The following CPNE7 variants were observed in gnomAD, a reference collection of about 807,000 sequenced individuals.
The protein encoded by CPNE7 is copine 7.
Under a neutral mutation model 66.5 loss-of-function variants are expected in CPNE7, and 78 were observed. The ratio of observed to expected loss-of-function variants is 1.17; its 90% confidence interval spans 0.98 to 1.42. The LOEUF is 1.42. CPNE7 is among the 40% of genes most tolerant of loss of function. CPNE7 has a pLI of 0.00. For missense variants in CPNE7, 1,012 were observed against 776.6 expected, an observed-to-expected ratio of 1.30 and a Z score of -3.60; for synonymous variants, 468 against 336.7, an observed-to-expected ratio of 1.39 and a Z score of -4.27.
chr16:89,596,401 G>A lies in CPNE7; in HGVS notation c.1540-83G>A, dbSNP rs934705252. ...GTCACCACTCGGCTCTGGAGGATGA[G>A]GCCTGGGCCATAATCCAGTTGCAGG... On this transcript the variant is annotated intron_variant, in intron 14 of 14. Coordinates refer to ENST00000319518, the MANE Select transcript of CPNE7 (RefSeq NM_153636.3). The A allele has an allele frequency of 6.6e-6, 10 of 1,523,700 alleles. No homozygotes were observed. The African/African-American group carries it at 1.2e-4, about 19-fold the overall frequency. 94.4% of individuals were successfully genotyped at this position (1,523,700 alleles called of 1,614,324 possible). A position where few individuals can be genotyped will look rare whatever the true frequency, so the allele number is the denominator to read the frequency against.
At chr16:89,586,842 A>G in intron 8 of CPNE7, 86 bp downstream of exon 8, 1 of 1,320,956 alleles carries the variant, frequency 7.6e-7, no homozygotes, top group Non-Finnish European at 1.1e-6. Flanking sequence ...ACCCTCAACC[A>G]GAGGCCTGGT....
chr16:89,585,641 C>T, intron 6 of CPNE7, 46 bp from the exon 7 acceptor site: 2 of 1,552,244 alleles, frequency 1.3e-6, no homozygotes, highest in East Asian at 2.4e-5. Flanking sequence ...GTGGGAGGGT[C>T]CTGGGGCCCC....
chr16:89,588,959 A>C (rs1046466461), intron 10 of CPNE7, 151 bp downstream of exon 10: 2 of 901,248 alleles, frequency 2.2e-6, no homozygotes, highest in Non-Finnish European at 3.4e-6. Context: ...GCTCCAGGTC[A>C]GGCCTCGGGG....
chr16:89,584,189 C>A lies in CPNE7; in HGVS notation c.507+87C>A, dbSNP rs75011255. 57 of 1,360,756 alleles carry A rather than the reference C, an allele frequency of 4.2e-5. No homozygotes were observed. The African/African-American group carries it at 7.6e-4, about 18-fold the overall frequency. The allele number at this position is 1,360,756 out of a possible 1,614,324, so 84.3% of individuals were successfully genotyped here. On this transcript the variant is annotated intron_variant, in intron 4 of 14. Transcript: ENST00000319518. This position sits in a 1 kb window ranked among gnomAD's most constrained non-coding sequence, Gnocchi z 6.0. The stretch of plus-strand genomic sequence containing the variant: ...CGGTCCCTGCCCAGCGCTGACCTCG[C>A]GTGGCTATGTCCCGTGTGAGACGTG...
chr16:89,583,263 C>T (rs1029458553), intron 2 of CPNE7, among the ~76,000 whole-genome samples: 6 of 152,090 alleles, frequency 3.9e-5, no homozygotes, highest in Non-Finnish European at 5.9e-5. Flanking sequence ...CGTGAGGGTC[C>T]GGGGCCGTTT....
intron 13 of CPNE7, among the ~76,000 whole-genome samples, chr16:89,593,150 C>T (rs1567966686): frequency 1.3e-5 from 2 of 151,738 alleles, no homozygotes; most frequent in East Asian, 1.9e-4. Flanking sequence ...TTCAGAGGCA[C>T]GAGGTACATT....
chr16:89,591,641 G>T (rs565029272), intron 13 of CPNE7, among the ~76,000 whole-genome samples: 113 of 152,278 alleles, frequency 7.4e-4, no homozygotes, highest in Non-Finnish European at 1.1e-3. Flanking sequence ...ATTCTACTCT[G>T]CCACCGTGTG....
In CPNE7 at chr16:89,585,690, C is replaced by G. The variant is rs1392342844; in HGVS notation, c.685C>G (p.Leu229Val). The G allele has an allele frequency of 1.3e-6, 2 of 1,552,914 alleles. No individual in the cohort carries two copies. The highest frequency in any genetic ancestry group is 1.7e-6 in the Non-Finnish European group (2 of 1,147,916). ...SCEETRPLKC[L>V]VWDYDSRGKH... ...TGAGGAGGACTGGGCTCCCCAGTGC[C>G]TGGTCTGGGATTACGACTCTCGAGG... Residue 229 changes from leucine (L) to valine (V), a missense_variant, in exon 7 of 15, where the codon CTG (leucine) becomes GTG (valine). Physicochemically the swap from Leu to Val is conservative, Grantham distance 32. Coordinates refer to ENST00000319518, the MANE Select transcript of CPNE7 (RefSeq NM_153636.3).
chr16:89,578,914 C>A lies in CPNE7; in HGVS notation c.357+1193C>A, dbSNP rs765246853. The A allele has an allele frequency of 3.7e-6, 6 of 1,613,760 alleles. No homozygotes were observed. The East Asian group carries it at 1.3e-4, about 36-fold the overall frequency. ...GAGAGTGTCTGTTGATGTGCTGGGC[C>A]CTGCTGGACACTGCGCTAAGCACTT... is the stretch of plus-strand genomic sequence containing the variant. On this transcript the variant is annotated intron_variant, in intron 2 of 14. Transcript: ENST00000319518.
chr16:89,576,693 C>A (rs1033373130), intron 1 of CPNE7, among the ~76,000 whole-genome samples: 1 of 152,152 alleles, frequency 6.6e-6, no homozygotes, highest in Non-Finnish European at 1.5e-5. Context: ...CCGCAGCGGG[C>A]GGAGGAGCCG....
Position 89,596,509 on chromosome 16 carries a change from G to T in CPNE7, c.1565G>T (p.Cys522Phe), listed in dbSNP as rs369628670. The change falls in exon 15 of 15, where the codon TGC (cysteine) becomes TTC (phenylalanine). Residue 522 changes from cysteine to phenylalanine, a missense_variant. Physicochemically the swap from Cys to Phe is radical, Grantham distance 205. Coordinates refer to ENST00000319518, the MANE Select transcript of CPNE7 (RefSeq NM_153636.3). ...KNASPAALAK[C>F]VLAEVPKQVV... ...GCATCCCCTGCGGCGCTGGCCAAGT[G>T]CGTGCTGGCCGAGGTCCCGAAGCAG... 1.9e-6 allele frequency: 3 copies of T among 1,609,890 alleles called. No homozygotes were observed. Among genetic ancestry groups the T allele is most frequent in the Non-Finnish European group, 1.7e-6 (2 of 1,179,676 alleles).
chr16:89,589,617 C>T (rs887998580), intron 10 of CPNE7, among the ~76,000 whole-genome samples: 4 of 152,178 alleles, frequency 2.6e-5, no homozygotes, highest in Non-Finnish European at 5.9e-5. Flanking sequence ...CTCCCGTGGT[C>T]TGAGAGCCCC....
chr16:89,585,455 G>A lies in CPNE7; in HGVS notation c.592-9G>A, dbSNP rs368366056. On this transcript the variant is annotated splice_polypyrimidine_tract_variant and intron_variant, in intron 5 of 14. Coordinates refer to ENST00000319518, the MANE Select transcript of CPNE7 (RefSeq NM_153636.3). ...GGCCTCCCCTGAGCCAGCCCCTCCC[G>A]GCCCACAGGTGGTGAAGAACAACCT... The A allele has an allele frequency of 1.5e-4, 247 of 1,607,110 alleles. No homozygotes were observed. The highest frequency in any genetic ancestry group is 1.7e-4 in the Middle Eastern group (1 of 5,934).
intron 7 of CPNE7, among the ~76,000 whole-genome samples, chr16:89,586,431 G>A (rs1249812642): frequency 6.6e-6 from 1 of 151,954 alleles, no homozygotes; most frequent in Non-Finnish European, 1.5e-5. Flanking sequence ...CCGTCCCTGG[G>A]CCTCAGTGTC....
Position 89,584,697 on chromosome 16 carries a change from G to C in CPNE7, c.508-77G>C. ...GGCTGGTGGCATGAAGTGAGCCCTG[G>C]GAAACGACAAAGCCAGCTCCCATCC... On this transcript the variant is annotated intron_variant, in intron 4 of 14. Coordinates refer to ENST00000319518, the MANE Select transcript of CPNE7 (RefSeq NM_153636.3). The surrounding 1 kb of genome is among the most constrained non-coding windows in gnomAD (Gnocchi z 6.0). The C allele has an allele frequency of 1.8e-6, 2 of 1,105,736 alleles. No individual in the cohort carries two copies. Among genetic ancestry groups the C allele is most frequent in the East Asian group, 4.9e-5 (2 of 40,910 alleles). 68.5% of individuals were successfully genotyped at this position (1,105,736 alleles called of 1,614,324 possible).
In CPNE7 at chr16:89,584,520, G is replaced by T. The variant is rs2059005440; in HGVS notation, c.508-254G>T. Among the ~76,000 whole-genome samples the T allele has an allele frequency of 6.6e-6, 1 of 150,882 alleles. No individual in the cohort carries two copies. The highest frequency in any genetic ancestry group is 2.4e-5 in the African/African-American group (1 of 41,272). ...GGGGCTGAGTCGCAGGGTGTGTAGG[G>T]CAAGTCCGTGGAGGGCTGAGTCGCA... On this transcript the variant is annotated intron_variant, in intron 4 of 14. Transcript: ENST00000319518. This position sits in a 1 kb window ranked among gnomAD's most constrained non-coding sequence, Gnocchi z 6.0.
rs2059265131 is a variant in CPNE7, at chr16:89,596,872, C to G, written c.*251C>G. On this transcript the variant is annotated 3_prime_UTR_variant, in exon 15 of 15. Coordinates refer to ENST00000319518, the MANE Select transcript of CPNE7 (RefSeq NM_153636.3). ...GCCAGGTGGGTGGAGGGAGGGAGAT[C>G]ATGAGGGACTTGGAGGGAGCTGGGA... The G allele has an allele frequency of 2.4e-6, 1 of 419,270 alleles. No individual in the cohort carries two copies. Among genetic ancestry groups the G allele is most frequent in the South Asian group, 6.4e-5 (1 of 15,690 alleles). The allele number at this position is 419,270 out of a possible 1,614,324, so 26.0% of individuals were successfully genotyped here. A position where few individuals can be genotyped will look rare whatever the true frequency, so the allele number is the denominator to read the frequency against.
At chr16:89,583,391 T>C in intron 2 of CPNE7, 1 of 1,511,290 alleles carries the variant, frequency 6.6e-7, no homozygotes, top group Non-Finnish European at 9.0e-7. Flanking sequence ...CCAGCTGGGC[T>C]GTGAGCTGCT....
chr16:89,592,175 ATT>A (rs372508407), intron 13 of CPNE7, among the ~76,000 whole-genome samples: 2 of 138,176 alleles, frequency 1.4e-5, no homozygotes. Context: ...TGCCCGGCTA[ATT>A]TTTTTTTTTT....
Sources: gnomAD v4.1 joint callset for allele counts (sites outside exome capture counted in the v4.1 genomes callset) on GRCh38, gnomAD v4.1.1 for gene constraint, Gnocchi (gnomAD v3.1) non-coding constraint, MANE v1.5 for transcripts, NCBI Gene and HGNC (gene_info 2026-07-23, HGNC 2026-07-21) for gene names.